The following GALNT13 variants were observed in gnomAD, a reference collection of about 807,000 sequenced individuals.
GALNT13 encodes UDP-GalNAc:polypeptide N-acetylgalactosaminyltransferase 13.
GALNT13 carries 28 observed loss-of-function variants against 64.2 expected under a neutral mutation model. The ratio of observed to expected loss-of-function variants is 0.44; its 90% CI spans 0.32 to 0.60. The LOEUF (loss-of-function observed/expected upper bound fraction) is 0.60, where lower values mean the gene tolerates loss of function less well. Among genes scored for constraint, GALNT13 ranks in the 20% least tolerant of loss-of-function variants. GALNT13 has a pLI of 0.05. For synonymous variants in GALNT13, 214 were observed against 224.6 expected, an observed-to-expected ratio of 0.95 and a Z score of 0.42; for missense variants, 577 against 669.8, an observed-to-expected ratio of 0.86 and a Z score of 1.53.
chr2:153,669,880 G>A, the GALNT13 span, among the ~76,000 whole-genome samples: 1 of 151,706 alleles, frequency 6.6e-6, no homozygotes, highest in African/African-American at 2.4e-5. Flanking sequence ...CCTGTGCCTG[G>A]CTCGGCAGGT....
At chr2:153,955,878 T>G (rs1436400599) in intron 3 of GALNT13, among the ~76,000 whole-genome samples, 1 of 152,170 alleles carries the variant, frequency 6.6e-6, no homozygotes, top group South Asian at 2.1e-4. Context: ...CCTCTGGCTC[T>G]GGGGGCCCTA....
chr2:154,420,984 A>C (rs1700224088), intron 11 of GALNT13, among the ~76,000 whole-genome samples: 1 of 152,172 alleles, frequency 6.6e-6, no homozygotes, highest in African/African-American at 2.4e-5. Flanking sequence ...GGAATAAATT[A>C]GGCAAGGATA....
chr2:153,513,338 T>C, the GALNT13 span, among the ~76,000 whole-genome samples: 3 of 152,234 alleles, frequency 2.0e-5, no homozygotes, highest in East Asian at 1.9e-4. Context: ...TTTAGAGAAG[T>C]TGATTTTCCA....
the GALNT13 span, among the ~76,000 whole-genome samples, chr2:153,677,430 T>C: frequency 1.3e-5 from 2 of 151,774 alleles, no homozygotes; most frequent in Admixed American, 1.3e-4. Flanking sequence ...TGGAAAAACA[T>C]TACATATTCA....
intron 2 of GALNT13, among the ~76,000 whole-genome samples, chr2:153,906,127 A>C (rs1688542823): frequency 6.6e-6 from 1 of 151,896 alleles, no homozygotes; most frequent in Admixed American, 6.6e-5. Flanking sequence ...ATGGAAGGCA[A>C]AACCATAAGT....
At chr2:153,904,081 A>T (rs183198416) in intron 2 of GALNT13, among the ~76,000 whole-genome samples, 5 of 152,124 alleles carry the variant, frequency 3.3e-5, no homozygotes, top group Admixed American at 3.3e-4. Flanking sequence ...CATATGACAC[A>T]CATTCTTCAG....
intron 11 of GALNT13, chr2:154,436,210 G>A (rs1700962314): frequency 6.6e-6 from 1 of 151,800 alleles, no homozygotes; most frequent in Non-Finnish European, 1.5e-5. Context: ...AAAAAATTTA[G>A]CAGACATATA....
chr2:154,289,254 G>A (rs182253279), intron 8 of GALNT13, among the ~76,000 whole-genome samples: 110 of 152,308 alleles, frequency 7.2e-4, no homozygotes, highest in African/African-American at 2.5e-3. Flanking sequence ...ACTGCATAAA[G>A]CAATAAGGCC....
At chr2:153,858,588 T>C in the GALNT13 span, among the ~76,000 whole-genome samples, 20 of 152,314 alleles carry the variant, frequency 1.3e-4, no homozygotes, top group African/African-American at 4.8e-4. Context: ...ATAACTTTTA[T>C]TTCAGTGTAT....
intron 3 of GALNT13, among the ~76,000 whole-genome samples, chr2:154,086,231 A>G (rs2105427107): frequency 6.7e-6 from 1 of 148,314 alleles, no homozygotes; most frequent in Non-Finnish European, 1.5e-5. Context: ...CCAATTCTAC[A>G]CAACTGATCT....
At chr2:153,230,835 G>A in the GALNT13 span, among the ~76,000 whole-genome samples, 27 of 152,092 alleles carry the variant, frequency 1.8e-4, no homozygotes, top group African/African-American at 6.0e-4. Flanking sequence ...ATTAAATTTG[G>A]AGACTTTTCA....
At chr2:153,447,766 T>A in the GALNT13 span, among the ~76,000 whole-genome samples, 36 of 152,216 alleles carry the variant, frequency 2.4e-4, no homozygotes, top group African/African-American at 7.7e-4. Flanking sequence ...TGTAAAACTT[T>A]TCCTGATTTT....
chr2:153,955,318 T>C (rs1346173642), intron 3 of GALNT13, among the ~76,000 whole-genome samples: 4 of 152,156 alleles, frequency 2.6e-5, no homozygotes, highest in Non-Finnish European at 5.9e-5. Context: ...TGGTACCTGC[T>C]GTAAGAGAAG....
chr2:154,138,066 C>T (rs1307876650), intron 3 of GALNT13, among the ~76,000 whole-genome samples: 1 of 152,002 alleles, frequency 6.6e-6, no homozygotes, highest in Non-Finnish European at 1.5e-5. Flanking sequence ...AACAAGCTTA[C>T]TAAAATAACC....
chr2:153,677,454 T>G, the GALNT13 span, among the ~76,000 whole-genome samples: 13 of 151,874 alleles, frequency 8.6e-5, no homozygotes, highest in Non-Finnish European at 1.6e-4. Flanking sequence ...ATAAAAAGAA[T>G]CAATATTGTT....
At chr2:153,876,019 G>A (rs1168552048) in intron 1 of GALNT13, among the ~76,000 whole-genome samples, 2 of 152,252 alleles carry the variant, frequency 1.3e-5, no homozygotes, top group Admixed American at 6.5e-5. Context: ...CTGCTTTGAA[G>A]TCTGAATGAC....
At chr2:153,153,596 A>G in the GALNT13 span, among the ~76,000 whole-genome samples, 1 of 150,824 alleles carries the variant, frequency 6.6e-6, no homozygotes, top group Non-Finnish European at 1.5e-5. Flanking sequence ...TCCAGTATCA[A>G]TCTTCTCCAT....
the GALNT13 span, among the ~76,000 whole-genome samples, chr2:153,154,333 T>C: frequency 6.6e-6 from 1 of 152,178 alleles, no homozygotes; most frequent in East Asian, 1.9e-4. Flanking sequence ...TTTGCTCTCC[T>C]TTGCCTTCCA....
chr2:154,068,545 T>A (rs978907639), intron 3 of GALNT13, among the ~76,000 whole-genome samples: 2 of 151,580 alleles, frequency 1.3e-5, no homozygotes, highest in African/African-American at 4.8e-5. Context: ...AAAAAAAGAG[T>A]GAGATCCTTT....
Sources: gnomAD v4.1 joint callset for allele counts (sites outside exome capture counted in the v4.1 genomes callset) on GRCh38, gnomAD v4.1.1 for gene constraint, MANE v1.5 for transcripts, NCBI Gene and HGNC (gene_info 2026-07-23, HGNC 2026-07-21) for gene names.